Variants in NSD3 observed in about 807,000 individuals in gnomAD.
NSD3 encodes the protein histone-lysine N-methyltransferase NSD3.
Under a neutral mutation model 160.8 loss-of-function variants are expected in NSD3, and 24 were observed. The observed-to-expected ratio is 0.15, with a 90% CI of 0.11 to 0.21. The LOEUF is 0.21. NSD3 is among the 10% of genes least tolerant of loss of function. NSD3 has a pLI of 1.00. For missense variants in NSD3, 1,157 were observed against 1,735.9 expected (o/e 0.67, Z 5.93); for synonymous variants, 520 against 600.0 (o/e 0.87, Z 1.95).
intron 19 of NSD3, among the ~76,000 whole-genome samples, chr8:38,285,020 G>T (rs1434090950): frequency 3.3e-5 from 5 of 152,188 alleles, no homozygotes; most frequent in South Asian, 4.1e-4. Flanking sequence ...CATTAACTAT[G>T]AATTCAACTG....
intron 12 of NSD3, among the ~76,000 whole-genome samples, chr8:38,310,777 C>T (rs1231820639): frequency 6.6e-6 from 1 of 151,724 alleles, no homozygotes; most frequent in Non-Finnish European, 1.5e-5. Context: ...TTCCCAAAAT[C>T]CTTGGATTAC....
chr8:38,288,747 C>T lies in NSD3; in HGVS notation c.3241G>A (p.Val1081Ile). Residue 1081 changes from valine (V) to isoleucine (I), a missense_variant, in exon 19 of 24, where the codon GTA becomes ATA. By Grantham distance (29) the Val-to-Ile change is conservative. Coordinates refer to ENST00000317025, the MANE Select transcript of NSD3 (RefSeq NM_023034.2). The surrounding 1 kb of genome is among the most constrained non-coding windows in gnomAD (Gnocchi z 4.5). ...ACCTGGATCTGCACCTTTCCTATTA[C>T]TTTGTTAGCCTAGAAAACAAAATCG... is the stretch of plus-strand genomic sequence containing the variant. ...PPYKHIKANK[V>I]IGKVQIQVAD... 1 of 1,611,908 alleles carries T rather than the reference C, an allele frequency of 6.2e-7. No homozygotes were observed. Among genetic ancestry groups the T allele is most frequent in the Non-Finnish European group, 8.5e-7 (1 of 1,178,044 alleles).
At chr8:38,356,920 A>C (rs1156272625) in intron 1 of NSD3, among the ~76,000 whole-genome samples, 1 of 151,694 alleles carries the variant, frequency 6.6e-6, no homozygotes, top group Non-Finnish European at 1.5e-5. Context: ...GGAGTTTGAG[A>C]CCAGCCTGGC....
At chr8:38,349,696 T>TATATATATATATATATA (rs57895941) in intron 1 of NSD3, among the ~76,000 whole-genome samples, 1 of 143,492 alleles carries the variant, frequency 7.0e-6, no homozygotes, top group African/African-American at 2.5e-5. Flanking sequence ...TATATATGTA[T>TATATATATATATATATA]TTATTATACT....
intron 1 of NSD3, among the ~76,000 whole-genome samples, chr8:38,352,744 A>G (rs904378261): frequency 6.6e-5 from 10 of 152,066 alleles, no homozygotes; most frequent in African/African-American, 2.4e-4. Flanking sequence ...AGTAGCTGGG[A>G]CTACAGGCAT....
chr8:38,353,423 C>T (rs1810748672), intron 1 of NSD3, among the ~76,000 whole-genome samples: 1 of 152,176 alleles, frequency 6.6e-6, no homozygotes, highest in Non-Finnish European at 1.5e-5. Context: ...CAAATAATGA[C>T]ATCTAACAAG....
chr8:38,349,697 T>TATATATATA (rs1585912859), intron 1 of NSD3, among the ~76,000 whole-genome samples: 5 of 89,878 alleles, frequency 5.6e-5, no homozygotes, highest in African/African-American at 1.9e-4. Context: ...ATATATGTAT[T>TATATATATA]TATTATACTT....
chr8:38,352,027 A>G (rs1810715936), intron 1 of NSD3, among the ~76,000 whole-genome samples: 1 of 151,854 alleles, frequency 6.6e-6, no homozygotes, highest in African/African-American at 2.4e-5. Flanking sequence ...ATAATTAAAA[A>G]AAAAAAAGGA....
chr8:38,314,722 T>G lies in NSD3; in HGVS notation c.2167A>C (p.Lys723Gln). The G allele has an allele frequency of 1.9e-6, 3 of 1,614,228 alleles. No homozygotes were observed. The highest frequency in any genetic ancestry group is 1.7e-6 in the Non-Finnish European group (2 of 1,180,038). The change falls in exon 12 of 24, where the codon AAA becomes CAA. Residue 723 changes from lysine (K) to glutamine (Q), a missense_variant. Lys to Gln is a moderately conservative substitution (Grantham distance 53, BLOSUM62 1). Transcript: ENST00000317025. ...CCCAGGCACTCCAGGTGAAAGTGTT[T>G]GCAGCACTCTCCCTCACAAGGAATC... The part of the protein sequence containing the change: ...SLIPCEGECC[K>Q]HFHLECLGLA...
intron 1 of NSD3, among the ~76,000 whole-genome samples, chr8:38,363,398 C>A (rs572761821): frequency 6.6e-6 from 1 of 152,230 alleles, no homozygotes; most frequent in South Asian, 2.1e-4. Context: ...AATCCCAGCA[C>A]TTTGGGAGGC....
intron 1 of NSD3, among the ~76,000 whole-genome samples, chr8:38,358,988 A>G (rs1227888889): frequency 6.6e-6 from 1 of 152,140 alleles, no homozygotes; most frequent in Non-Finnish European, 1.5e-5. Context: ...CAGAAACTCT[A>G]CAAAGAAAAA....
intron 2 of NSD3, among the ~76,000 whole-genome samples, chr8:38,341,104 C>T (rs1810355264): frequency 6.6e-6 from 1 of 152,134 alleles, no homozygotes; most frequent in Non-Finnish European, 1.5e-5. Flanking sequence ...GCACTCCAGC[C>T]TGGGTGATGG....
Position 38,368,074 on chromosome 8 carries a change from G to C in NSD3, c.-45+13725C>G, listed in dbSNP as rs543604345. On this transcript the variant is annotated intron_variant, in intron 1 of 23. Coordinates refer to ENST00000317025, the MANE Select transcript of NSD3 (RefSeq NM_023034.2). ...GGCTCACTGCAACCTCTGCCTCCAGGGTTCAAGTGATTCTCCTGCCTCAGC... is the reference window on the plus strand; with the variant it reads ...GGCTCACTGCAACCTCTGCCTCCAGCGTTCAAGTGATTCTCCTGCCTCAGC... Among the ~76,000 whole-genome samples the C allele has an allele frequency of 2.0e-5, 3 of 152,220 alleles. No homozygotes were observed. The South Asian group carries it at 6.2e-4, about 32-fold the overall frequency.
intron 1 of NSD3, among the ~76,000 whole-genome samples, chr8:38,375,644 A>G (rs759003065): frequency 3.9e-5 from 6 of 151,986 alleles, no homozygotes; most frequent in Non-Finnish European, 7.4e-5. Flanking sequence ...CCTTGTTAAT[A>G]TAACAATATA....
rs1809745302 is a variant in NSD3 at position 38,319,425 on chromosome 8, G to C, written c.1810-485C>G. ...TGGGAATCAGGACCCTCTCTGTAGA[G>C]AGTGCTACAGGGCTCCATACAGCTG... On this transcript the variant is annotated intron_variant, in intron 8 of 23. Transcript: ENST00000317025. The surrounding 1 kb of genome is among the most constrained non-coding windows in gnomAD (Gnocchi z 4.1). 1 of 153,518 alleles carries C rather than the reference G, an allele frequency of 6.5e-6. No homozygotes were observed. The highest frequency in any genetic ancestry group is 1.4e-5 in the Non-Finnish European group (1 of 68,990). The allele number at this position is 153,518 out of a possible 1,614,324, so 9.5% of individuals were successfully genotyped here.
At position 38,329,982 on chromosome 8, in the gene NSD3, T is replaced by A; in HGVS notation, c.1066-89A>T. ...TATTTCCCATGTGATCCTGTTATCT[T>A]TTCAGGTCTACATAAATATCTTCAG... is the stretch of plus-strand genomic sequence containing the variant. On this transcript the variant is annotated intron_variant, in intron 5 of 23. Coordinates refer to ENST00000317025, the MANE Select transcript of NSD3 (RefSeq NM_023034.2). The surrounding 1 kb of genome is among the most constrained non-coding windows in gnomAD (Gnocchi z 4.8). 7.0e-7 allele frequency: 1 copy of A among 1,437,670 alleles called. No homozygotes were observed. 89.1% of individuals were successfully genotyped at this position (1,437,670 alleles called of 1,614,324 possible). A position where few individuals can be genotyped will look rare whatever the true frequency, so the allele number is the denominator to read the frequency against.
In NSD3 at chr8:38,321,051, C is replaced by T; in HGVS notation, c.1809+21G>A. 1.2e-6 allele frequency: 2 copies of T among 1,601,970 alleles called. No individual in the cohort carries two copies. Among genetic ancestry groups the T allele is most frequent in the Non-Finnish European group, 8.5e-7 (1 of 1,170,578 alleles). ...CATTTACAAATACAATGTTTTAACT[C>T]TCTACATGTAGGAAGCCAACCTGCT... On this transcript the variant is annotated intron_variant, in intron 8 of 23. Coordinates refer to ENST00000317025, the MANE Select transcript of NSD3 (RefSeq NM_023034.2). The surrounding 1 kb of genome is among the most constrained non-coding windows in gnomAD (Gnocchi z 4.7).
intron 10 of NSD3, 135 bp downstream of exon 10, chr8:38,315,777 A>G (rs1379176937): frequency 2.2e-6 from 3 of 1,355,904 alleles, no homozygotes; most frequent in Non-Finnish European, 3.0e-6. Flanking sequence ...GAGCAAAAGA[A>G]TTAAGACACT....
rs1808509286 is a variant in NSD3 at position 38,272,603 on chromosome 8, C to G, written c.*3038G>C. 6.6e-6 allele frequency: 1 copy of G among 152,214 alleles called. No homozygotes were observed. Among genetic ancestry groups the G allele is most frequent in the African/African-American group, 2.4e-5 (1 of 41,460 alleles). The allele number at this position is 152,214 out of a possible 1,614,324, so 9.4% of individuals were successfully genotyped here. On this transcript the variant is annotated 3_prime_UTR_variant, in exon 24 of 24. Transcript: ENST00000317025. Reference sequence around the variant, plus strand: ...GCTCTTACTGATCCAGTTTCTGAAGCTTTAGGCTGATTATCAAAAATCTTA... The same window carrying G: ...GCTCTTACTGATCCAGTTTCTGAAGGTTTAGGCTGATTATCAAAAATCTTA...
Sources: allele counts gnomAD v4.1 joint callset (sites outside exome capture counted in the v4.1 genomes callset), GRCh38; gene constraint gnomAD v4.1.1; non-coding constraint Gnocchi (gnomAD v3.1); transcripts MANE v1.5; gene names NCBI Gene and HGNC (gene_info 2026-07-23, HGNC 2026-07-21).